GREB1: variants seen among roughly 807,000 people sequenced by gnomAD.
The protein encoded by GREB1 is protein GREB1.
A neutral mutation model predicts 200.7 loss-of-function variants in GREB1; 106 were observed. The observed-to-expected ratio is 0.53, with a 90% CI of 0.45 to 0.62. GREB1 has a LOEUF of 0.62. Among genes scored for constraint, GREB1 ranks in the 20% least tolerant of loss-of-function variants. The pLI, the probability that GREB1 is intolerant of heterozygous loss-of-function variation, is 0.00. For missense variants in GREB1, 2,243 were observed against 2,556.8 expected, an observed-to-expected ratio of 0.88 and a Z score of 2.65; for synonymous variants, 1,132 against 1,092.4, an observed-to-expected ratio of 1.04 and a Z score of -0.72.
intron 10 of GREB1, chr2:11,592,196 T>C (rs1024012817): frequency 1.6e-5 from 9 of 571,828 alleles, no homozygotes; most frequent in South Asian, 1.5e-4. Flanking sequence ...TCTTTTTTTT[T>C]TTTTTTTAAC....
intron 5 of GREB1, among the ~76,000 whole-genome samples, chr2:11,577,303 A>G (rs7570979): frequency 0.76 from 116,255 of 152,066 alleles, 45,255 homozygotes; most frequent in African/African-American, 0.92. Context: ...AGTGCACAGG[A>G]CGGCCCCGAG....
rs111851942 is a variant in GREB1 at position 11,578,275 on chromosome 2, C to T, written c.638-22C>T. ...TTGGAGAAGAGCGAGTTGGTTTTCACGTGTGCACCTTGCCCCCTTAGAGTT... is the reference window on the plus strand; with the variant it reads ...TTGGAGAAGAGCGAGTTGGTTTTCATGTGTGCACCTTGCCCCCTTAGAGTT... On this transcript the variant is annotated intron_variant, in intron 5 of 32. Coordinates refer to ENST00000381486, the MANE Select transcript of GREB1 (RefSeq NM_014668.4). 5,860 of 1,605,264 alleles carry T rather than the reference C, an allele frequency of 3.7e-3. 182 individuals carry two copies. The African/African-American group carries it at 0.068, about 19-fold the overall frequency.
intron 1 of GREB1, among the ~76,000 whole-genome samples, chr2:11,544,236 G>T (rs1675031583): frequency 6.6e-6 from 1 of 152,070 alleles, no homozygotes. Context: ...TTTATTTTGA[G>T]ATGAAGTCTT....
intron 32 of GREB1, among the ~76,000 whole-genome samples, chr2:11,639,632 G>T (rs890373513): frequency 1.3e-5 from 2 of 152,186 alleles, no homozygotes; most frequent in Admixed American, 6.5e-5. Flanking sequence ...GCTGACCTTC[G>T]CTTTCCTTGG....
At chr2:11,500,325 C>G (rs780794806) in intron 1 of GREB1, among the ~76,000 whole-genome samples, 1 of 152,140 alleles carries the variant, frequency 6.6e-6, no homozygotes, top group African/African-American at 2.4e-5. Flanking sequence ...CTACGCCTGG[C>G]TAATTTTTAT....
In GREB1 at chr2:11,556,680, C is replaced by T. The variant is rs16857629; in HGVS notation, c.66C>T (p.Ile22=). 0.035 allele frequency: 56,646 copies of T among 1,613,532 alleles called. 2,816 individuals carry two copies. The highest frequency in any genetic ancestry group is 0.2 in the East Asian group (8,958 of 44,830). Residue 22 remains isoleucine, a synonymous_variant, in exon 2 of 33, where the codon ATC becomes ATT. Coordinates refer to ENST00000381486, the MANE Select transcript of GREB1 (RefSeq NM_014668.4). The stretch of plus-strand genomic sequence containing the variant: ...TTGAAGAGGTCTTGCACAATTCCAT[C>T]GAGGCATCCCTGCGGTCCAACAACC... ...TRFEEVLHNS[I]EASLRSNNLV...
chr2:11,574,636 C>G (rs924110001), intron 4 of GREB1, among the ~76,000 whole-genome samples: 1 of 152,216 alleles, frequency 6.6e-6, no homozygotes, highest in Non-Finnish European at 1.5e-5. Flanking sequence ...AGAACATCAT[C>G]CTCAGGCTGG....
At chr2:11,627,211 G>A in intron 25 of GREB1, 107 bp downstream of exon 25, 2 of 1,066,164 alleles carry the variant, frequency 1.9e-6, no homozygotes, top group Non-Finnish European at 1.3e-6. Context: ...AGTTCTGGAA[G>A]CCCTGGCTTC....
intron 11 of GREB1, among the ~76,000 whole-genome samples, 191 bp from the exon 12 acceptor site, chr2:11,595,060 G>A (rs1681088171): frequency 6.6e-6 from 1 of 150,744 alleles, no homozygotes; most frequent in Non-Finnish European, 1.5e-5. Context: ...TAGACCCTGA[G>A]CCTCTGCCAT....
Position 11,637,893 on chromosome 2 carries a change from T to C in GREB1, c.5524T>C (p.Cys1842Arg). 1 of 1,614,124 alleles carries C rather than the reference T, an allele frequency of 6.2e-7. No individual in the cohort carries two copies. The highest frequency in any genetic ancestry group is 8.5e-7 in the Non-Finnish European group (1 of 1,180,010). The change falls in exon 31 of 33, where the codon TGT (cysteine) becomes CGT (arginine). Residue 1842 changes from cysteine to arginine, a missense_variant. Coordinates refer to ENST00000381486, the MANE Select transcript of GREB1 (RefSeq NM_014668.4). Reference protein sequence around the residue: ...NHDHPVLSVDCYLNLGSQISV... With the variant: ...NHDHPVLSVDRYLNLGSQISV... ...TGACCACCCAGTGCTGTCTGTCGAC[T>C]GTTACCTGAACCTGGGATCTCAGGT...
intron 1 of GREB1, among the ~76,000 whole-genome samples, chr2:11,501,901 TTTTG>T (rs1173832991): frequency 0.014 from 440 of 30,892 alleles, 148 homozygotes; most frequent in East Asian, 0.029. Context: ...TCCTGTTTTT[TTTTG>T]TTTTTTTTTT....
chr2:11,557,229 A>G (rs1410582491), intron 2 of GREB1, among the ~76,000 whole-genome samples: 1 of 152,272 alleles, frequency 6.6e-6, no homozygotes, highest in Non-Finnish European at 1.5e-5. Flanking sequence ...AATATATGCC[A>G]AGAATAAACA....
At chr2:11,562,831 C>T (rs757418660) in intron 3 of GREB1, 8 of 366,900 alleles carry the variant, frequency 2.2e-5, no homozygotes, top group African/African-American at 4.2e-5. Context: ...ACTCTTTGGA[C>T]AGTCTCAACT....
rs1476928105 is a variant in GREB1, at chr2:11,493,421, T to C, written c.-159+11040T>C. 6.6e-6 allele frequency among the ~76,000 whole-genome samples: 1 copy of C among 152,164 alleles called. No homozygotes were observed. The highest frequency in any genetic ancestry group is 1.5e-5 in the Non-Finnish European group (1 of 68,026). ...CAGTTCACAATAGGGTTTGAGCTCC[T>C]ATGAGAATCTGATGCTGCCACTGAT... On this transcript the variant is annotated intron_variant, in intron 1 of 2. Transcript: ENST00000628795. This position sits in a 1 kb window ranked among gnomAD's most constrained non-coding sequence, Gnocchi z 4.6.
intron 4 of GREB1, among the ~76,000 whole-genome samples, chr2:11,571,754 A>C (rs1678317698): frequency 6.6e-6 from 1 of 151,576 alleles, no homozygotes; most frequent in Non-Finnish European, 1.5e-5. Flanking sequence ...TCTGTCTCCC[A>C]GGCTGGAGTG....
chr2:11,528,616 C>T (rs145713152), intron 1 of GREB1, among the ~76,000 whole-genome samples: 4 of 152,288 alleles, frequency 2.6e-5, no homozygotes, highest in Non-Finnish European at 4.4e-5. Context: ...ACCCTCCTGC[C>T]TCAGCCTCCC....
At chr2:11,523,255 G>C (rs1336146430) in intron 1 of GREB1, among the ~76,000 whole-genome samples, 1 of 151,976 alleles carries the variant, frequency 6.6e-6, no homozygotes, top group Admixed American at 6.6e-5. Flanking sequence ...GGAGGGGGAG[G>C]ATCAGAAAAA....
At chr2:11,601,322 G>A (rs1455689743) in intron 16 of GREB1, among the ~76,000 whole-genome samples, 3 of 152,162 alleles carry the variant, frequency 2.0e-5, no homozygotes, top group Non-Finnish European at 4.4e-5. Flanking sequence ...CTTAGGCGCT[G>A]GGGGCTTTGG....
At chr2:11,595,182 A>C in intron 11 of GREB1, 69 bp from the exon 12 acceptor site, 1 of 1,410,292 alleles carries the variant, frequency 7.1e-7, no homozygotes, top group East Asian at 2.5e-5. Context: ...TTAAGGGACT[A>C]GTCTAGGGCT....
Sources: gnomAD v4.1 joint callset for allele counts (sites outside exome capture counted in the v4.1 genomes callset) on GRCh38, gnomAD v4.1.1 for gene constraint, Gnocchi (gnomAD v3.1) non-coding constraint, MANE v1.5 for transcripts, NCBI Gene and HGNC (gene_info 2026-07-23, HGNC 2026-07-21) for gene names.